PCDHA5: variants seen among roughly 807,000 people sequenced by gnomAD.
PCDHA5 encodes the protein protocadherin alpha 5.
A neutral mutation model predicts 61.6 loss-of-function variants in PCDHA5; 43 were observed. That is an observed-to-expected ratio of 0.70 (90% CI 0.55 to 0.90). The LOEUF (loss-of-function observed/expected upper bound fraction) is 0.90, where lower values mean the gene tolerates loss of function less well. PCDHA5 is among the 40% of genes least tolerant of loss of function. The pLI is 0.00. For missense variants in PCDHA5, 1,298 were observed against 1,222.7 expected, an observed-to-expected ratio of 1.06 and a Z score of -0.92; for synonymous variants, 627 against 543.9, an observed-to-expected ratio of 1.15 and a Z score of -2.13.
chr5:140,857,555 C>G, intron 1 of PCDHA5: 1 of 1,597,062 alleles, frequency 6.3e-7, no homozygotes, highest in East Asian at 2.2e-5. Flanking sequence ...CGAGCGCTCG[C>G]TGTCGAGCTA....
chr5:140,871,719 T>G (rs1228976923), intron 1 of PCDHA5: 1 of 783,446 alleles, frequency 1.3e-6, no homozygotes, highest in East Asian at 2.9e-5. Flanking sequence ...CCTATTTCTC[T>G]TAATATTTGG....
intron 1 of PCDHA5, chr5:140,843,825 C>T: frequency 8.4e-7 from 1 of 1,188,044 alleles, no homozygotes; most frequent in Non-Finnish European, 1.2e-6. Flanking sequence ...AAAATTTAAA[C>T]ATTGTTTAGT....
At chr5:140,952,057 C>T (rs1214818651) in intron 1 of PCDHA5, among the ~76,000 whole-genome samples, 1 of 152,164 alleles carries the variant, frequency 6.6e-6, no homozygotes, top group Non-Finnish European at 1.5e-5. Flanking sequence ...AATCTTAAAG[C>T]TCCAAATAAT....
At chr5:140,852,881 A>G in intron 1 of PCDHA5, 1 of 940,356 alleles carries the variant, frequency 1.1e-6, no homozygotes, top group Non-Finnish European at 1.3e-6. Flanking sequence ...TAATCATAAA[A>G]CGTATTTTTT....
intron 1 of PCDHA5, chr5:140,836,594 C>G (rs2150264886): frequency 4.3e-6 from 7 of 1,613,766 alleles, no homozygotes; most frequent in Non-Finnish European, 4.2e-6. Context: ...TGGTAAAGCC[C>G]ACTCTGGTGT....
chr5:140,853,332 G>A (rs2042712938), intron 1 of PCDHA5: 2 of 984,708 alleles, frequency 2.0e-6, no homozygotes, highest in African/African-American at 3.5e-5. Flanking sequence ...TATCTTTTGA[G>A]GTCATTAGCA....
chr5:140,905,248 C>T (rs143714633), intron 1 of PCDHA5, among the ~76,000 whole-genome samples: 1,610 of 152,202 alleles, frequency 0.011, 17 homozygotes, highest in African/African-American at 0.028. Flanking sequence ...TTCATTCTTC[C>T]ACATGAGGCT....
intron 1 of PCDHA5, chr5:140,869,583 T>G: frequency 6.2e-7 from 1 of 1,614,152 alleles, no homozygotes; most frequent in Non-Finnish European, 8.5e-7. Flanking sequence ...CTTCTGATGC[T>G]GACATTGAAG....
intron 1 of PCDHA5, among the ~76,000 whole-genome samples, chr5:140,901,207 T>G (rs894216497): frequency 6.6e-6 from 1 of 152,206 alleles, no homozygotes; most frequent in Non-Finnish European, 1.5e-5. Flanking sequence ...AGAAGGTTTT[T>G]AAGTTGATGT....
Position 140,850,271 on chromosome 5 carries a change from G to T in PCDHA5, c.2352+26144G>T, listed in dbSNP as rs2150476864. 1.9e-6 allele frequency: 3 copies of T among 1,595,372 alleles called. No homozygotes were observed. The South Asian group carries it at 3.3e-5, about 18-fold the overall frequency. On this transcript the variant is annotated intron_variant, in intron 1 of 3. Coordinates refer to ENST00000529859, the MANE Select transcript of PCDHA5 (RefSeq NM_018908.3). ...CGGTGGGCGCCGGCGTAGTGGTGGG[G>T]AAGGTGCGCGCAGTGGACGCCGACT...
intron 1 of PCDHA5, among the ~76,000 whole-genome samples, chr5:140,885,076 A>G (rs1032982957): frequency 1.3e-5 from 2 of 152,226 alleles, no homozygotes; most frequent in African/African-American, 4.8e-5. Context: ...ATTATTTTAA[A>G]GAGCCCCATA....
In PCDHA5 at chr5:140,822,432, C is replaced by T; in HGVS notation, c.657C>T (p.Pro219=). ...LLVIATDGGK[P]ELTGTVQLLI... is the part of the protein sequence containing the mutation. ...TGATTGCAACTGATGGAGGAAAACCCGAACTAACAGGTACAGTTCAGTTGT... is the reference window on the plus strand; with the variant it reads ...TGATTGCAACTGATGGAGGAAAACCTGAACTAACAGGTACAGTTCAGTTGT... Residue 219 remains proline, a synonymous_variant, in exon 1 of 4, where the codon CCC becomes CCT. Transcript: ENST00000529859. 2 of 1,613,792 alleles carry T rather than the reference C, an allele frequency of 1.2e-6. No homozygotes were observed. Among genetic ancestry groups the T allele is most frequent in the East Asian group, 2.2e-5 (1 of 44,882 alleles).
rs2080357826 is a variant in PCDHA5 at position 140,921,739 on chromosome 5, G to T, written c.2353-57210G>T. The stretch of plus-strand genomic sequence containing the variant: ...CGAATTACTCCCATAAAAATTATAA[G>T]CATAACAGGACACTTCTTGGCTACT... On this transcript the variant is annotated intron_variant, in intron 1 of 3. Transcript: ENST00000529859. Among the ~76,000 whole-genome samples, 7 of 152,134 alleles carry T rather than the reference G, an allele frequency of 4.6e-5. No individual in the cohort carries two copies. In the South Asian group the frequency reaches 1.5e-3, roughly 32 times the overall value.
In PCDHA5 at chr5:140,852,367, T is replaced by C. The variant is rs2150515720; in HGVS notation, c.2352+28240T>C. On this transcript the variant is annotated intron_variant, in intron 1 of 3. Transcript: ENST00000529859. Reference sequence around the variant, plus strand: ...ATCTTGGCTCACTGCAACGTCTGCCTCCTGGGTTCAAGCAATTCTCCTGCC... The same window carrying C: ...ATCTTGGCTCACTGCAACGTCTGCCCCCTGGGTTCAAGCAATTCTCCTGCC... 73 of 201,190 alleles carry C rather than the reference T, an allele frequency of 3.6e-4. 4 individuals are homozygous for C. The highest frequency in any genetic ancestry group is 6.9e-4 in the Non-Finnish European group (70 of 101,398). 12.5% of individuals were successfully genotyped at this position (201,190 alleles called of 1,614,324 possible).
rs201735874 is a variant in PCDHA5, at chr5:140,821,856, C to A, written c.81C>A (p.Ser27Arg). Residue 27 changes from serine to arginine, a missense_variant, in exon 1 of 4, where the codon AGC (serine) becomes AGA (arginine). Coordinates refer to ENST00000529859, the MANE Select transcript of PCDHA5 (RefSeq NM_018908.3). ...WLLLAYWKAG[S>R]GQLHYSIPEE... ...TCCTTGCCTACTGGAAGGCAGGGAG[C>A]GGCCAGCTCCACTACTCGATCCCGG... The A allele has an allele frequency of 5.5e-5, 88 of 1,614,042 alleles. No homozygotes were observed. The highest frequency in any genetic ancestry group is 1.9e-4 in the South Asian group (17 of 91,076).
chr5:140,834,478 A>G (rs1554134254), intron 1 of PCDHA5: 1 of 1,614,162 alleles, frequency 6.2e-7, no homozygotes, highest in East Asian at 2.2e-5. Context: ...GGCCAGCTCC[A>G]CTACTCGGTC....
intron 1 of PCDHA5, among the ~76,000 whole-genome samples, chr5:140,881,754 A>G (rs1554172477): frequency 6.6e-6 from 1 of 152,212 alleles, no homozygotes; most frequent in African/African-American, 2.4e-5. Context: ...CAGTACCACA[A>G]AAACCTACAT....
chr5:140,981,687 A>ATCAT (rs200213847), intron 2 of PCDHA5, among the ~76,000 whole-genome samples: 1,547 of 152,086 alleles, frequency 0.01, 18 homozygotes, highest in African/African-American at 0.031. Flanking sequence ...CCTCCCTTCC[A>ATCAT]TCATTCATTC....
At position 140,852,209 on chromosome 5, in the gene PCDHA5, A is replaced by AATTTTTATTTT. The variant is rs1554145712; in HGVS notation, c.2352+28083_2352+28084insTTTTTATTTTA. The AATTTTTATTTT allele has an allele frequency of 1.2e-5, 8 of 650,776 alleles. No homozygotes were observed. The East Asian group carries it at 1.1e-3, about 87-fold the overall frequency. 40.3% of individuals were successfully genotyped at this position (650,776 alleles called of 1,614,324 possible). ...AATGCCAGTAACGTTTATTTAAAAC[A>AATTTTTATTTT]AAATATTTTAATTTTTAAATTTTCC... is the stretch of plus-strand genomic sequence containing the variant. On this transcript the variant is annotated intron_variant, in intron 1 of 3. Coordinates refer to ENST00000529859, the MANE Select transcript of PCDHA5 (RefSeq NM_018908.3).
Sources: allele counts gnomAD v4.1 joint callset (sites outside exome capture counted in the v4.1 genomes callset), GRCh38; gene constraint gnomAD v4.1.1; transcripts MANE v1.5; gene names NCBI Gene and HGNC (gene_info 2026-07-23, HGNC 2026-07-21).